Variants in ENOX1 observed in about 807,000 individuals in gnomAD.
The protein encoded by ENOX1 is candidate growth-related and time keeping constitutive hydroquinone (NADH) oxidase.
ENOX1 carries 42 observed loss-of-function variants against 82.5 expected under a neutral mutation model. The ratio of observed to expected loss-of-function variants is 0.51; its 90% CI spans 0.40 to 0.66. The LOEUF is 0.66. ENOX1 is among the 30% of genes least tolerant of loss of function. The probability of loss-of-function intolerance (pLI) is 0.00; values close to 1 mark genes in which losing one functional copy is unlikely to be tolerated. For synonymous variants in ENOX1, 271 were observed against 282.2 expected (o/e 0.96, Z 0.40); for missense variants, 608 against 811.6 (o/e 0.75, Z 3.05).
chr13:43,227,174 G>A (rs746387646), intron 15 of ENOX1, among the ~76,000 whole-genome samples: 1 of 152,160 alleles, frequency 6.6e-6, no homozygotes, highest in South Asian at 2.1e-4. Flanking sequence ...AGGAGACGAA[G>A]TGTTGACATG....
At chr13:43,566,065 T>C (rs2079906329) in intron 2 of ENOX1, among the ~76,000 whole-genome samples, 1 of 152,148 alleles carries the variant, frequency 6.6e-6, no homozygotes, top group African/African-American at 2.4e-5. Context: ...GAAAAGGAAA[T>C]TTAAGAAATG....
At chr13:43,670,713 C>T (rs974383427) in intron 1 of ENOX1, among the ~76,000 whole-genome samples, 14 of 151,948 alleles carry the variant, frequency 9.2e-5, no homozygotes, top group African/African-American at 2.9e-4. Context: ...AATTAGCTGG[C>T]ATGCCTGTAA....
intron 3 of ENOX1, among the ~76,000 whole-genome samples, chr13:43,424,116 T>C (rs914972816): frequency 6.6e-6 from 1 of 152,220 alleles, no homozygotes; most frequent in Non-Finnish European, 1.5e-5. Flanking sequence ...AAGCATAATT[T>C]TGTATGCATA....
chr13:43,470,317 C>CACGTATATATATATAT (rs2057964459), intron 3 of ENOX1, among the ~76,000 whole-genome samples: 2 of 42,146 alleles, frequency 4.7e-5, no homozygotes, highest in African/African-American at 1.5e-4. Flanking sequence ...CATATATATA[C>CACGTATATATATATAT]ACATATATAT....
chr13:43,291,176 G>A (rs916936193), intron 12 of ENOX1, among the ~76,000 whole-genome samples: 2 of 152,092 alleles, frequency 1.3e-5, no homozygotes, highest in Admixed American at 6.5e-5. Context: ...TTTGAAAGCG[G>A]TTTTTAACTG....
At chr13:43,564,553 C>T in intron 2 of ENOX1, among the ~76,000 whole-genome samples, 1 of 152,088 alleles carries the variant, frequency 6.6e-6, no homozygotes, top group Non-Finnish European at 1.5e-5. Context: ...TACAAAAACA[C>T]TTACCTCAGG....
intron 2 of ENOX1, among the ~76,000 whole-genome samples, chr13:43,619,350 A>G (rs978882503): frequency 3.1e-4 from 47 of 152,024 alleles, no homozygotes; most frequent in African/African-American, 9.7e-4. Flanking sequence ...AATGCTTTCA[A>G]GTTTTCCCCA....
chr13:43,492,809 T>C lies in ENOX1; in HGVS notation c.-218-8657A>G, dbSNP rs1196679693. Among the ~76,000 whole-genome samples the C allele has an allele frequency of 2.6e-5, 4 of 152,246 alleles. No homozygotes were observed. In the East Asian group the frequency reaches 5.8e-4, roughly 22 times the overall value. On this transcript the variant is annotated intron_variant, in intron 2 of 16. Coordinates refer to ENST00000690772, the MANE Select transcript of ENOX1 (RefSeq NM_001347969.2). ...AATGCAGTGATAGTTAATTTTATGT[T>C]GTTAACTTGGCTAGGCCATGGTACC...
intron 14 of ENOX1, among the ~76,000 whole-genome samples, chr13:43,240,440 T>C (rs1241895795): frequency 6.6e-6 from 1 of 152,146 alleles, no homozygotes; most frequent in Non-Finnish European, 1.5e-5. Context: ...CAGTTCTGCA[T>C]TTTAGGACAT....
chr13:43,405,069 A>AATAT (rs201730731), intron 5 of ENOX1, among the ~76,000 whole-genome samples: 2,025 of 152,308 alleles, frequency 0.013, 38 homozygotes, highest in African/African-American at 0.045. Context: ...TGCTGGTATA[A>AATAT]GTATGATTTT....
chr13:43,707,642 A>T (rs1187858836), intron 1 of ENOX1, among the ~76,000 whole-genome samples: 1 of 145,636 alleles, frequency 6.9e-6, no homozygotes, highest in Non-Finnish European at 1.5e-5. Context: ...CTGAGGCAGG[A>T]GAATGGCGTG....
chr13:43,450,420 T>G (rs1229134202), intron 3 of ENOX1, among the ~76,000 whole-genome samples: 2 of 152,114 alleles, frequency 1.3e-5, no homozygotes, highest in African/African-American at 4.8e-5. Flanking sequence ...AGGAGGTGAC[T>G]GTCATTGAGA....
chr13:43,396,360 A>C (rs2053149501), intron 5 of ENOX1, among the ~76,000 whole-genome samples: 1 of 152,070 alleles, frequency 6.6e-6, no homozygotes, highest in African/African-American at 2.4e-5. Flanking sequence ...AAACAACATC[A>C]TCTCCACCAA....
chr13:43,669,508 G>A (rs140993681), intron 1 of ENOX1, among the ~76,000 whole-genome samples: 20 of 152,160 alleles, frequency 1.3e-4, no homozygotes, highest in African/African-American at 4.6e-4. Context: ...GTGAGAAGAA[G>A]GAGCTAAGGC....
chr13:43,756,061 G>A (rs1349998966), intron 1 of ENOX1, among the ~76,000 whole-genome samples: 3 of 152,174 alleles, frequency 2.0e-5, no homozygotes, highest in Non-Finnish European at 4.4e-5. Flanking sequence ...TGACACATTC[G>A]GGGTGACATA....
chr13:43,247,883 A>ATTTTTTTTTTTTTT (rs869265102), intron 14 of ENOX1, among the ~76,000 whole-genome samples: 1 of 14,648 alleles, frequency 6.8e-5, no homozygotes. Context: ...ATATATATAT[A>ATTTTTTTTTTTTTT]TTTTTTTTTT....
chr13:43,616,285 C>T lies in ENOX1; in HGVS notation c.-219+51194G>A, dbSNP rs368738552. Reference sequence around the variant, plus strand: ...TGGTGTGATCTCGGCTCACTGGAACCTCTAACTCCTGGGTTCAAGCAATCC... The same window carrying T: ...TGGTGTGATCTCGGCTCACTGGAACTTCTAACTCCTGGGTTCAAGCAATCC... On this transcript the variant is annotated intron_variant, in intron 2 of 16. Transcript: ENST00000690772. 2.3e-3 allele frequency among the ~76,000 whole-genome samples: 303 copies of T among 134,248 alleles called. 3 individuals are homozygous for T. Among genetic ancestry groups the T allele is most frequent in the African/African-American group, 8.1e-3 (297 of 36,850 alleles). The allele number at this position is 134,248 out of a possible 152,430, so 88.1% of individuals were successfully genotyped here. A position where few individuals can be genotyped will look rare whatever the true frequency, so the allele number is the denominator to read the frequency against.
chr13:43,484,174 C>A, intron 2 of ENOX1, 22 bp from the exon 3 acceptor site: 1 of 984,828 alleles, frequency 1.0e-6, no homozygotes, highest in Non-Finnish European at 1.2e-6. Context: ...GAAAAGCACA[C>A]CGTTAGGATA....
chr13:43,303,521 A>G (rs895666400), intron 11 of ENOX1, among the ~76,000 whole-genome samples: 2 of 152,142 alleles, frequency 1.3e-5, no homozygotes, highest in African/African-American at 2.4e-5. Flanking sequence ...AGTCTCATCA[A>G]TGGAGTGTGA....
Sources: allele counts gnomAD v4.1 joint callset (sites outside exome capture counted in the v4.1 genomes callset), GRCh38; gene constraint gnomAD v4.1.1; transcripts MANE v1.5; gene names NCBI Gene and HGNC (gene_info 2026-07-23, HGNC 2026-07-21).